The following VIT variants were observed in gnomAD, a reference collection of about 807,000 sequenced individuals.
VIT encodes the protein vitrin.
A neutral mutation model predicts 78.0 loss-of-function variants in VIT; 99 were observed. The ratio of observed to expected loss-of-function variants is 1.27; its 90% CI spans 1.08 to 1.50. The LOEUF is 1.50. VIT is among the 40% of genes most tolerant of loss of function. The pLI is 0.00. For synonymous variants in VIT, 374 were observed against 334.3 expected (o/e 1.12, Z -1.29); for missense variants, 1,126 against 875.3 (o/e 1.29, Z -3.61).
chr2:36,697,441 G>C (rs573843684), intron 1 of VIT, among the ~76,000 whole-genome samples: 19 of 152,344 alleles, frequency 1.2e-4, no homozygotes, highest in African/African-American at 4.6e-4. Flanking sequence ...ATTTCGTGTG[G>C]ATCTCTACTT....
chr2:36,805,327 A>AAC, intron 13 of VIT, 111 bp from the exon 14 acceptor site: 1 of 1,194,548 alleles, frequency 8.4e-7, no homozygotes, highest in South Asian at 1.9e-5. Context: ...AAAAAAAAAA[A>AAC]CTAGGGAGGG....
chr2:36,805,506 A>C lies in VIT; in HGVS notation c.1231A>C (p.Asn411His). 1 of 1,614,048 alleles carries C rather than the reference A, an allele frequency of 6.2e-7. No homozygotes were observed. Among genetic ancestry groups the C allele is most frequent in the South Asian group, 1.1e-5 (1 of 91,052 alleles). Residue 411 changes from asparagine to histidine, a missense_variant, in exon 14 of 16, where the codon AAT (asparagine) becomes CAT (histidine). Transcript: ENST00000379242. Reference protein sequence around the residue: ...KANGNRSGAPNVVVVMVDGWP... With the variant: ...KANGNRSGAPHVVVVMVDGWP... ...CAATGGAAACAGAAGCGGGGCTCCC[A>C]ATGTGGTGGTGGTGATGGTGGATGG...
intron 9 of VIT, 21 bp downstream of exon 9, chr2:36,775,088 C>A (rs775362257): frequency 6.2e-7 from 1 of 1,612,888 alleles, no homozygotes; most frequent in South Asian, 1.1e-5. Flanking sequence ...CACTGCTTAC[C>A]ATCTCTGCTC....
intron 6 of VIT, 156 bp downstream of exon 6, chr2:36,759,202 A>G (rs1172271253): frequency 6.4e-7 from 1 of 1,562,288 alleles, no homozygotes; most frequent in South Asian, 1.2e-5. Context: ...ACAGAAATCA[A>G]TGAGATCAGA....
intron 1 of VIT, among the ~76,000 whole-genome samples, chr2:36,707,314 C>T (rs575633885): frequency 6.6e-5 from 10 of 152,250 alleles, no homozygotes; most frequent in South Asian, 2.1e-4. Flanking sequence ...GCATTTTCCT[C>T]GGCTGGACTT....
chr2:36,764,463 CTT>C (rs1274242231), intron 6 of VIT, among the ~76,000 whole-genome samples: 1 of 152,182 alleles, frequency 6.6e-6, no homozygotes, highest in African/African-American at 2.4e-5. Flanking sequence ...AGCTCAAACT[CTT>C]TAAAATAATG....
Position 36,709,320 on chromosome 2 carries a change from G to A in VIT, c.-18-7033G>A, listed in dbSNP as rs117626026. 1.1e-4 allele frequency among the ~76,000 whole-genome samples: 16 copies of A among 152,280 alleles called. 1 individual carries two copies. The highest frequency in any genetic ancestry group is 1.0e-3 in the South Asian group (5 of 4,824). The stretch of plus-strand genomic sequence containing the variant: ...TCTTCTTCCTAGCCTTGGAAAGTCC[G>A]TAACCTTTGCATGCTTCCAATTCCT... On this transcript the variant is annotated intron_variant, in intron 1 of 15. Coordinates refer to ENST00000379242, the MANE Select transcript of VIT (RefSeq NM_053276.4).
intron 12 of VIT, among the ~76,000 whole-genome samples, chr2:36,797,763 A>G (rs1055345613): frequency 1.3e-5 from 2 of 152,240 alleles, no homozygotes; most frequent in African/African-American, 2.4e-5. Context: ...GAGATGCATG[A>G]TGGGGCTAGC....
chr2:36,740,190 G>T (rs1295814378), intron 3 of VIT, among the ~76,000 whole-genome samples: 1 of 152,196 alleles, frequency 6.6e-6, no homozygotes, highest in Non-Finnish European at 1.5e-5. Context: ...ACCAAAGAAA[G>T]AGGAAGAAAG....
chr2:36,699,419 A>G (rs1159586631), intron 1 of VIT, among the ~76,000 whole-genome samples: 5 of 152,120 alleles, frequency 3.3e-5, no homozygotes, highest in African/African-American at 1.2e-4. Context: ...AAATTATGGT[A>G]TATTTTAAAT....
chr2:36,733,899 C>T (rs1305974878), intron 3 of VIT, among the ~76,000 whole-genome samples: 2 of 152,176 alleles, frequency 1.3e-5, no homozygotes, highest in Non-Finnish European at 2.9e-5. Flanking sequence ...CCGTTAGCGT[C>T]GATACCTCAA....
chr2:36,722,112 T>TAAG (rs953292158), intron 2 of VIT, among the ~76,000 whole-genome samples: 19 of 152,232 alleles, frequency 1.2e-4, no homozygotes, highest in African/African-American at 4.1e-4. Flanking sequence ...TAATGTCAAT[T>TAAG]AAGTGTTTAA....
chr2:36,782,245 G>A (rs1037804480), intron 10 of VIT, among the ~76,000 whole-genome samples: 2 of 152,178 alleles, frequency 1.3e-5, no homozygotes, highest in Non-Finnish European at 2.9e-5. Context: ...AGGGGAAGAA[G>A]GAGGTGAAGG....
At position 36,771,981 on chromosome 2, in the gene VIT, A is replaced by G. The variant is rs138791899; in HGVS notation, c.680-1810A>G. Among the ~76,000 whole-genome samples, 505 of 152,362 alleles carry G rather than the reference A, an allele frequency of 3.3e-3. 4 individuals are homozygous for G. The highest frequency in any genetic ancestry group is 0.012 in the African/African-American group (488 of 41,596). On this transcript the variant is annotated intron_variant, in intron 7 of 15. Coordinates refer to ENST00000379242, the MANE Select transcript of VIT (RefSeq NM_053276.4). ...ATGTACATCCCACAGAAAAAGGGAT[A>G]CAACTCTGTATGCCAGAATTGTATA...
intron 12 of VIT, among the ~76,000 whole-genome samples, chr2:36,790,810 A>G (rs1665438288): frequency 6.6e-6 from 1 of 152,216 alleles, no homozygotes; most frequent in South Asian, 2.1e-4. Context: ...GCCAAGGATC[A>G]AGCCCCTGTC....
intron 6 of VIT, among the ~76,000 whole-genome samples, chr2:36,764,151 G>A (rs1669284160): frequency 6.6e-6 from 1 of 152,138 alleles, no homozygotes. Context: ...ATAAGTTTTA[G>A]GTGGCAAAAA....
intron 1 of VIT, among the ~76,000 whole-genome samples, chr2:36,713,278 C>G (rs1056898364): frequency 6.6e-6 from 1 of 152,070 alleles, no homozygotes; most frequent in Non-Finnish European, 1.5e-5. Flanking sequence ...TGGCATCCAG[C>G]CAGAGGAAAA....
At chr2:36,705,202 T>G (rs544195552) in intron 1 of VIT, among the ~76,000 whole-genome samples, 1 of 152,306 alleles carries the variant, frequency 6.6e-6, no homozygotes, top group East Asian at 1.9e-4. Flanking sequence ...ATGGCCCACC[T>G]CGTCTTTTTG....
At chr2:36,781,006 C>T (rs1175620187) in intron 9 of VIT, among the ~76,000 whole-genome samples, 1 of 137,370 alleles carries the variant, frequency 7.3e-6, no homozygotes, top group African/African-American at 2.7e-5. Context: ...TCCCCTCCAC[C>T]CCTTCTACTT....
Sources: gnomAD v4.1 joint callset for allele counts (sites outside exome capture counted in the v4.1 genomes callset) on GRCh38, gnomAD v4.1.1 for gene constraint, MANE v1.5 for transcripts, NCBI Gene and HGNC (gene_info 2026-07-23, HGNC 2026-07-21) for gene names.